The following DIDO1 variants were observed in gnomAD, a reference collection of about 807,000 sequenced individuals.
DIDO1 encodes death-inducer obliterator 1.
In DIDO1, 16 loss-of-function variants were observed where a neutral mutation model predicts 99.4. The ratio of observed to expected loss-of-function variants is 0.16; its 90% CI spans 0.11 to 0.24. The LOEUF is 0.24. Ranked by LOEUF, DIDO1 falls within the 10% of genes least tolerant of loss-of-function variation. The pLI is 1.00. For missense variants in DIDO1, 2,996 were observed against 3,014.0 expected (o/e 0.99, Z 0.14); for synonymous variants, 1,366 against 1,239.1 (o/e 1.10, Z -2.15).
intron 3 of DIDO1, 146 bp from the exon 4 acceptor site, chr20:62,910,166 T>C: frequency 2.0e-6 from 2 of 982,726 alleles, no homozygotes; most frequent in Non-Finnish European, 2.9e-6. Flanking sequence ...TGCCTTTCCT[T>C]TGATTTTAAC....
At chr20:62,893,529 G>A (rs984461149) in intron 12 of DIDO1, 137 bp downstream of exon 12, 2 of 1,067,466 alleles carry the variant, frequency 1.9e-6, no homozygotes, top group African/African-American at 3.2e-5. Flanking sequence ...TACAACTGGG[G>A]CTTTTTAAAA....
chr20:62,890,898 C>T (rs779466685), intron 15 of DIDO1, 62 bp downstream of exon 15: 6 of 1,611,982 alleles, frequency 3.7e-6, no homozygotes, highest in Admixed American at 1.7e-5. Flanking sequence ...CAGGGCATGT[C>T]AGTGGGAGGA....
At chr20:62,910,474 A>G (rs370370422) in intron 3 of DIDO1, among the ~76,000 whole-genome samples, 1 of 152,142 alleles carries the variant, frequency 6.6e-6, no homozygotes, top group East Asian at 1.9e-4. Context: ...TGACGGACAC[A>G]TTCTCCTCCA....
chr20:62,886,912 TCA>T (rs1270118404), intron 15 of DIDO1, among the ~76,000 whole-genome samples: 1 of 151,962 alleles, frequency 6.6e-6, no homozygotes, highest in Middle Eastern at 3.4e-3. Context: ...ACACACCCAC[TCA>T]CACACACACA....
chr20:62,908,923 T>C (rs1294816282), intron 4 of DIDO1, among the ~76,000 whole-genome samples: 1 of 152,246 alleles, frequency 6.6e-6, no homozygotes, highest in Admixed American at 6.5e-5. Context: ...TTCTCATGAA[T>C]TCCCATCTCC....
Position 62,903,212 on chromosome 20 carries a change from C to CTGAT in DIDO1, c.1588+2671_1588+2674dup, listed in dbSNP as rs777917546. On this transcript the variant is annotated intron_variant, in intron 6 of 15. Transcript: ENST00000395343. ...ACAAGGTGAGGCTGTGAAGGACCTACTGATATCTTAGCAGGGGGCACAGCC... is the reference window on the plus strand; with the variant it reads ...ACAAGGTGAGGCTGTGAAGGACCTACTGATTGATATCTTAGCAGGGGGCACAGCC... Among the ~76,000 whole-genome samples the CTGAT allele has an allele frequency of 5.3e-5, 8 of 152,326 alleles. 1 individual carries two copies. The highest frequency in any genetic ancestry group is 2.6e-4 in the Admixed American group (4 of 15,306).
At chr20:62,887,277 TTGACTC>T (rs1374768460) in intron 15 of DIDO1, 3 of 985,358 alleles carry the variant, frequency 3.0e-6, no homozygotes, top group Non-Finnish European at 3.6e-6. Flanking sequence ...AATACTGTAT[TTGACTC>T]TGATTACAAT....
chr20:62,900,390 A>C (rs1283126278), intron 6 of DIDO1, among the ~76,000 whole-genome samples: 4 of 152,254 alleles, frequency 2.6e-5, no homozygotes, highest in Non-Finnish European at 4.4e-5. Context: ...CCAAAGCAGA[A>C]GGCTGGCTGG....
At chr20:62,924,048 T>C (rs1222959279) in intron 1 of DIDO1, among the ~76,000 whole-genome samples, 1 of 152,248 alleles carries the variant, frequency 6.6e-6, no homozygotes, top group Admixed American at 6.5e-5. Context: ...TACACGTACA[T>C]GAAATGAGCA....
chr20:62,903,910 T>G (rs1472156393), intron 6 of DIDO1, among the ~76,000 whole-genome samples: 1 of 152,082 alleles, frequency 6.6e-6, no homozygotes, highest in African/African-American at 2.4e-5. Context: ...AAGAGCAGCC[T>G]CCTGGTCGAC....
rs895921408 is a variant in DIDO1 at position 62,911,731 on chromosome 20, G to C, written c.-2-117C>G. 2.3e-6 allele frequency: 2 copies of C among 857,098 alleles called. No homozygotes were observed. The highest frequency in any genetic ancestry group is 3.5e-6 in the Non-Finnish European group (2 of 576,374). The allele number at this position is 857,098 out of a possible 1,614,324, so 53.1% of individuals were successfully genotyped here. A position where few individuals can be genotyped will look rare whatever the true frequency, so the allele number is the denominator to read the frequency against. ...TACAAACAGTGGAGCTCTACATAAA[G>C]CAAGTCCTTCTGACCAGTGTTTCCT... On this transcript the variant is annotated intron_variant, in intron 2 of 15. Coordinates refer to ENST00000395343, the MANE Select transcript of DIDO1 (RefSeq NM_001193369.2). This position sits in a 1 kb window ranked among gnomAD's most constrained non-coding sequence, Gnocchi z 7.0.
At chr20:62,898,612 C>T (rs561479880) in intron 6 of DIDO1, among the ~76,000 whole-genome samples, 1 of 152,324 alleles carries the variant, frequency 6.6e-6, no homozygotes, top group South Asian at 2.1e-4. Context: ...AACCTCATGG[C>T]CGGCCCCTGC....
rs1261486020 is a variant in DIDO1 at position 62,894,493 on chromosome 20, T to C, written c.2492A>G (p.Asp831Gly). Residue 831 changes from aspartate (D) to glycine (G), a missense_variant, in exon 11 of 16, where the codon GAC becomes GGC. Around this residue, in one of 5 missense-constraint regions of DIDO1, gnomAD observed 898 missense variants for 972.7 expected, o/e 0.92. Coordinates refer to ENST00000395343, the MANE Select transcript of DIDO1 (RefSeq NM_001193369.2). This position sits in a 1 kb window ranked among gnomAD's most constrained non-coding sequence, Gnocchi z 4.4. ...GTCTTTCAACATGCTGCTGAAGACG[T>C]CGAGAAGCGGCGCTGTGCTCTTCTC... ...VPEKSTAPLLDVFSSMLKDTT... is the reference protein window; with the variant it reads ...VPEKSTAPLLGVFSSMLKDTT... 3 of 1,613,472 alleles carry C rather than the reference T, an allele frequency of 1.9e-6. No homozygotes were observed. The highest frequency in any genetic ancestry group is 2.5e-6 in the Non-Finnish European group (3 of 1,180,020).
intron 14 of DIDO1, 93 bp from the exon 15 acceptor site, chr20:62,891,248 C>T (rs148355195): frequency 3.1e-4 from 476 of 1,555,908 alleles, no homozygotes; most frequent in Non-Finnish European, 4.0e-4. Context: ...GAAACCTTGT[C>T]AGATCTCTCC....
chr20:62,914,138 C>T (rs1482121700), intron 2 of DIDO1, 72 bp downstream of exon 2: 3 of 152,144 alleles, frequency 2.0e-5, no homozygotes, highest in Non-Finnish European at 4.4e-5. Context: ...TTTACAAATG[C>T]CACTTTATAA....
Position 62,882,423 on chromosome 20 carries a change from C to A in DIDO1, c.3542-9G>T. 1 of 1,594,742 alleles carries A rather than the reference C, an allele frequency of 6.3e-7. No homozygotes were observed. ...ACGTGGTGACTCAAGACCTGAAAAA[C>A]AAAATATTTGTGCAAATTTTAGAAT... On this transcript the variant is annotated splice_polypyrimidine_tract_variant and intron_variant, in intron 15 of 15. Transcript: ENST00000395343.
At chr20:62,934,666 TCACCC>T (rs573127589) in intron 1 of DIDO1, among the ~76,000 whole-genome samples, 116 of 152,142 alleles carry the variant, frequency 7.6e-4, no homozygotes, top group Non-Finnish European at 1.4e-3. Flanking sequence ...TGTCTTCACC[TCACCC>T]CTGCTCACCA....
chr20:62,893,112 G>A, intron 12 of DIDO1, 150 bp from the exon 13 acceptor site: 2 of 802,604 alleles, frequency 2.5e-6, no homozygotes, highest in Non-Finnish European at 1.9e-6. Context: ...TGCAGTCTCC[G>A]CCTCCCAGGC....
intron 15 of DIDO1, chr20:62,890,274 A>G: frequency 3.0e-6 from 3 of 986,018 alleles, no homozygotes; most frequent in Non-Finnish European, 3.6e-6. Context: ...CCCTAACTGA[A>G]GTCACATCAG....
Sources: gnomAD v4.1 joint callset for allele counts (sites outside exome capture counted in the v4.1 genomes callset) on GRCh38, gnomAD v4.1.1 for gene constraint, gnomAD v4.1.1 regional missense constraint, Gnocchi (gnomAD v3.1) non-coding constraint, MANE v1.5 for transcripts, NCBI Gene and HGNC (gene_info 2026-07-23, HGNC 2026-07-21) for gene names.